FAT3: variants seen among roughly 807,000 people sequenced by gnomAD.
FAT3 encodes FAT atypical cadherin 3.
Under a neutral mutation model 310.2 loss-of-function variants are expected in FAT3, and 95 were observed. The observed-to-expected ratio is 0.31, with a 90% confidence interval of 0.26 to 0.36. The LOEUF (loss-of-function observed/expected upper bound fraction) is 0.36, where lower values mean the gene tolerates loss of function less well. Among genes scored for constraint, FAT3 ranks in the 10% least tolerant of loss-of-function variants. FAT3 has a pLI of 1.00. For missense variants in FAT3, 5,408 were observed against 5,715.6 expected (o/e 0.95, Z 1.74); for synonymous variants, 2,314 against 2,192.9 (o/e 1.06, Z -1.54).
chr11:92,886,685 T>C (rs1949804259), intron 24 of FAT3, among the ~76,000 whole-genome samples: 1 of 152,232 alleles, frequency 6.6e-6, no homozygotes, highest in East Asian at 1.9e-4. Context: ...CAAAGAGCAA[T>C]GCAGCCACTT....
chr11:92,246,288 A>G (rs1369134646), intron 1 of FAT3, among the ~76,000 whole-genome samples: 1 of 152,126 alleles, frequency 6.6e-6, no homozygotes, highest in African/African-American at 2.4e-5. Flanking sequence ...ATATGCATGT[A>G]GGCAGAGAGG....
intron 2 of FAT3, among the ~76,000 whole-genome samples, chr11:92,464,281 T>C (rs1314671774): frequency 6.6e-6 from 1 of 152,194 alleles, no homozygotes; most frequent in African/African-American, 2.4e-5. Context: ...TGCCTCCTTG[T>C]GTATTCTAAT....
At chr11:92,260,117 G>A (rs1048397744) in intron 1 of FAT3, among the ~76,000 whole-genome samples, 8 of 152,130 alleles carry the variant, frequency 5.3e-5, no homozygotes, top group African/African-American at 7.2e-5. Context: ...AGCGTGACCC[G>A]GTTTCTTGGG....
At chr11:92,321,965 G>A (rs1947631285) in intron 1 of FAT3, among the ~76,000 whole-genome samples, 1 of 152,158 alleles carries the variant, frequency 6.6e-6, no homozygotes, top group Non-Finnish European at 1.5e-5. Flanking sequence ...CATGAACATT[G>A]AGATTATAGG....
Position 92,799,305 on chromosome 11 carries a change from G to A in FAT3, c.6292G>A (p.Glu2098Lys). The change falls in exon 10 of 28, where the codon GAA (glutamate) becomes AAA (lysine). Residue 2098 changes from glutamate to lysine, a missense_variant. Coordinates refer to ENST00000525166, the MANE Select transcript of FAT3 (RefSeq NM_001367949.2). ...PYYAAVQVDA[E>K]PGTLIYQVTA... The stretch of plus-strand genomic sequence containing the variant: ...CTATGCTGCTGTTCAAGTGGATGCG[G>A]AACCCGGGACTCTGATTTATCAGGT... 6.2e-7 allele frequency: 1 copy of A among 1,613,938 alleles called. No homozygotes were observed. The highest frequency in any genetic ancestry group is 1.1e-5 in the South Asian group (1 of 91,074).
chr11:92,556,079 T>C (rs1361050202), intron 3 of FAT3, among the ~76,000 whole-genome samples: 1 of 152,190 alleles, frequency 6.6e-6, no homozygotes, highest in Non-Finnish European at 1.5e-5. Flanking sequence ...ACATAATAAG[T>C]GCTCAACAAA....
intron 19 of FAT3, among the ~76,000 whole-genome samples, chr11:92,852,846 A>G (rs902612013): frequency 6.6e-6 from 1 of 152,202 alleles, no homozygotes; most frequent in South Asian, 2.1e-4. Flanking sequence ...ACAGAAGGAA[A>G]TAAGAAAAAG....
intron 2 of FAT3, among the ~76,000 whole-genome samples, chr11:92,464,342 T>C (rs964921598): frequency 1.3e-5 from 2 of 152,312 alleles, no homozygotes; most frequent in African/African-American, 2.4e-5. Flanking sequence ...GTAAGTTTCA[T>C]CCTTGGATGC....
At chr11:92,470,580 A>C (rs1386899467) in intron 2 of FAT3, among the ~76,000 whole-genome samples, 1 of 152,164 alleles carries the variant, frequency 6.6e-6, no homozygotes, top group Non-Finnish European at 1.5e-5. Context: ...TTTGGGAAAC[A>C]CCAAGCCCTG....
intron 1 of FAT3, among the ~76,000 whole-genome samples, chr11:92,285,669 G>GA (rs1311646261): frequency 1.3e-5 from 2 of 152,074 alleles, no homozygotes; most frequent in African/African-American, 2.4e-5. Flanking sequence ...TTATGCTTAG[G>GA]AAAAAACAGT....
Position 92,474,529 on chromosome 11 carries a change from G to A in FAT3, c.3293-50105G>A, listed in dbSNP as rs1278166601. On this transcript the variant is annotated intron_variant, in intron 2 of 27. Transcript: ENST00000525166. ...ATACAGGAAGGGGAAGGGGATGGAT[G>A]TCATTCCAGCCCTCAAGATGCTCAG... is the stretch of plus-strand genomic sequence containing the variant. Among the ~76,000 whole-genome samples the A allele has an allele frequency of 3.3e-5, 5 of 152,128 alleles. No individual in the cohort carries two copies. The East Asian group carries it at 9.7e-4, about 29-fold the overall frequency.
At chr11:92,577,454 TA>T (rs1402044572) in intron 3 of FAT3, among the ~76,000 whole-genome samples, 3 of 152,128 alleles carry the variant, frequency 2.0e-5, no homozygotes, top group Non-Finnish European at 2.9e-5. Flanking sequence ...ATAATAATTG[TA>T]TATATTTATG....
At chr11:92,770,768 G>A (rs1009415910) in intron 6 of FAT3, among the ~76,000 whole-genome samples, 8 of 152,250 alleles carry the variant, frequency 5.3e-5, no homozygotes, top group South Asian at 2.1e-4. Flanking sequence ...GAGGTGCTTC[G>A]TACCCTTCTT....
At chr11:92,691,448 T>A (rs148089356) in intron 3 of FAT3, among the ~76,000 whole-genome samples, 38 of 152,284 alleles carry the variant, frequency 2.5e-4, no homozygotes, top group Non-Finnish European at 4.6e-4. Context: ...CAGGCTGTAG[T>A]GCAGTGACGT....
chr11:92,443,499 C>T (rs1951127941), intron 2 of FAT3, among the ~76,000 whole-genome samples: 1 of 152,168 alleles, frequency 6.6e-6, no homozygotes, highest in Non-Finnish European at 1.5e-5. Context: ...CTTGACTTGG[C>T]CATGAGAACA....
chr11:92,450,444 T>G (rs2135117599), intron 2 of FAT3, among the ~76,000 whole-genome samples: 1 of 152,156 alleles, frequency 6.6e-6, no homozygotes, highest in South Asian at 2.1e-4. Flanking sequence ...ATTAGGAGGC[T>G]TCTTGGAAGA....
At position 92,310,931 on chromosome 11, in the gene FAT3, C is replaced by A. The variant is rs187790922; in HGVS notation, c.-17-41165C>A. On this transcript the variant is annotated intron_variant, in intron 1 of 27. Transcript: ENST00000525166. ...GGGTACAACCAGATTTTTTTCCATT[C>A]TTTTTACTTTTATTTTTAAATTTTT... 2.0e-5 allele frequency among the ~76,000 whole-genome samples: 3 copies of A among 151,382 alleles called. No homozygotes were observed. The East Asian group carries it at 5.8e-4, about 29-fold the overall frequency.
chr11:92,840,422 T>C, intron 17 of FAT3, 140 bp from the exon 18 acceptor site: 1 of 718,756 alleles, frequency 1.4e-6, no homozygotes, highest in Non-Finnish European at 2.2e-6. Context: ...AGGGAATCCC[T>C]TCTGCTGAAA....
chr11:92,639,094 A>G (rs1336612642), intron 3 of FAT3, among the ~76,000 whole-genome samples: 1 of 152,188 alleles, frequency 6.6e-6, no homozygotes, highest in African/African-American at 2.4e-5. Flanking sequence ...GCACAGACAC[A>G]AATGAATTAA....
Sources: gnomAD v4.1 joint callset for allele counts (sites outside exome capture counted in the v4.1 genomes callset) on GRCh38, gnomAD v4.1.1 for gene constraint, MANE v1.5 for transcripts, NCBI Gene and HGNC (gene_info 2026-07-23, HGNC 2026-07-21) for gene names.